Variants in POGLUT3 observed in about 807,000 individuals in gnomAD.
The protein encoded by POGLUT3 is protein O-glucosyltransferase 3.
POGLUT3 carries 48 observed loss-of-function variants against 54.3 expected under a neutral mutation model. The observed-to-expected ratio is 0.88, with a 90% CI of 0.70 to 1.12. The LOEUF (loss-of-function observed/expected upper bound fraction) is 1.12, where lower values mean the gene tolerates loss of function less well. Ranked by LOEUF, POGLUT3 falls within the 50% of genes most tolerant of loss-of-function variation. The pLI, the probability that POGLUT3 is intolerant of heterozygous loss-of-function variation, is 0.00. For synonymous variants in POGLUT3, 218 were observed against 237.4 expected, an observed-to-expected ratio of 0.92 and a Z score of 0.75; for missense variants, 629 against 618.7, an observed-to-expected ratio of 1.02 and a Z score of -0.18.
At chr11:108,485,636 T>TTTTTTTTATTTA (rs1555183248) in intron 3 of POGLUT3, among the ~76,000 whole-genome samples, 1 of 140,322 alleles carries the variant, frequency 7.1e-6, no homozygotes, top group Non-Finnish European at 1.5e-5. Context: ...CTTTATTCTA[T>TTTTTTTTATTTA]TTTATTTATT....
At chr11:108,486,474 C>A in intron 2 of POGLUT3, 34 bp from the exon 3 acceptor site, 1 of 1,600,278 alleles carries the variant, frequency 6.2e-7, no homozygotes, top group Non-Finnish European at 8.5e-7. Flanking sequence ...GGCCGCACTC[C>A]ATTAGCAAGC....
chr11:108,477,860 C>T (rs2093585113), intron 6 of POGLUT3, 149 bp from the exon 7 acceptor site: 1 of 645,324 alleles, frequency 1.5e-6, no homozygotes, highest in African/African-American at 1.8e-5. Flanking sequence ...AAGAATGAGG[C>T]TACAGGGGCC....
At chr11:108,488,920 T>C (rs2093608390) in intron 2 of POGLUT3, among the ~76,000 whole-genome samples, 1 of 152,144 alleles carries the variant, frequency 6.6e-6, no homozygotes, top group Admixed American at 6.5e-5. Context: ...TTGGGTAAAG[T>C]ATGCAGAAGG....
chr11:108,475,043 T>C (rs1211159626), intron 7 of POGLUT3, 91 bp from the exon 8 acceptor site: 7 of 1,356,208 alleles, frequency 5.2e-6, no homozygotes, highest in African/African-American at 1.5e-5. Context: ...TCACGCCATC[T>C]TTTCTAGTTG....
chr11:108,479,540 T>A, intron 5 of POGLUT3, 45 bp from the exon 6 acceptor site: 1 of 1,448,104 alleles, frequency 6.9e-7, no homozygotes, highest in Non-Finnish European at 9.4e-7. Context: ...AGTAGTCATT[T>A]GCTTCACTTC....
chr11:108,486,108 G>T, intron 3 of POGLUT3, 49 bp downstream of exon 3: 1 of 1,387,402 alleles, frequency 7.2e-7, no homozygotes. Flanking sequence ...ACATTTAAAT[G>T]TTATACCTAA....
chr11:108,491,473 CT>C (rs2093613278), intron 1 of POGLUT3: 4 of 494,474 alleles, frequency 8.1e-6, no homozygotes, highest in Admixed American at 3.6e-5. Flanking sequence ...CTGCCTCAAC[CT>C]GCATCAGCCC....
chr11:108,475,910 A>G (rs1383413705), intron 7 of POGLUT3, among the ~76,000 whole-genome samples: 2 of 152,052 alleles, frequency 1.3e-5, no homozygotes, highest in African/African-American at 4.8e-5. Flanking sequence ...ATTAAAATTG[A>G]AACTATTTGG....
chr11:108,472,981 A>T lies in POGLUT3; in HGVS notation c.*1846T>A, dbSNP rs1217101199. ...GTTTATTGTTCTTCAGCAAGAATAG[A>T]TGTAACCACTTTAAAAATAGTTACA... is the stretch of plus-strand genomic sequence containing the variant. On this transcript the variant is annotated 3_prime_UTR_variant, in exon 8 of 8. Transcript: ENST00000323468. 1 of 152,224 alleles carries T rather than the reference A, an allele frequency of 6.6e-6. No individual in the cohort carries two copies. Among genetic ancestry groups the T allele is most frequent in the Admixed American group, 6.5e-5 (1 of 15,270 alleles). The allele number at this position is 152,224 out of a possible 1,614,324, so 9.4% of individuals were successfully genotyped here. A position where few individuals can be genotyped will look rare whatever the true frequency, so the allele number is the denominator to read the frequency against.
At chr11:108,478,442 G>A (rs1405045959) in intron 6 of POGLUT3, among the ~76,000 whole-genome samples, 1 of 152,168 alleles carries the variant, frequency 6.6e-6, no homozygotes, top group Non-Finnish European at 1.5e-5. Context: ...GAATGAATCC[G>A]TTTTCACGTT....
chr11:108,481,276 C>T lies in POGLUT3; in HGVS notation c.1002G>A (p.Gln334=). ...ATCCTGTAATTCCTGCATCTAGTAG[C>T]TGAGGATTTTCTTTGGACAGCTGTA... ...QLVQLSKENP[Q]LLDAGITGYF... The change falls in exon 5 of 8, where the codon CAG becomes CAA. Residue 334 remains glutamine (Q), a synonymous_variant. Transcript: ENST00000323468. 6.2e-7 allele frequency: 1 copy of T among 1,613,196 alleles called. No homozygotes were observed. Among genetic ancestry groups the T allele is most frequent in the South Asian group, 1.1e-5 (1 of 90,910 alleles).
At position 108,482,177 on chromosome 11, in the gene POGLUT3, G is replaced by A; in HGVS notation, c.730C>T (p.Pro244Ser). The change falls in exon 4 of 8, where the codon CCC becomes TCC. Residue 244 changes from proline (P) to serine (S), a missense_variant. Pro to Ser is a moderately conservative substitution (Grantham distance 74). Coordinates refer to ENST00000323468, the MANE Select transcript of POGLUT3 (RefSeq NM_153705.5). ...LEFYVNLGDW[P>S]LEHRKVNGTP... is the part of the protein sequence containing the mutation. ...CCATTGACTTTTCGATGCTCCAAGG[G>A]CCAATCTCCAAGATTAACATAAAAT... is the stretch of plus-strand genomic sequence containing the variant. 1 of 1,614,038 alleles carries A rather than the reference G, an allele frequency of 6.2e-7. No homozygotes were observed. Among genetic ancestry groups the A allele is most frequent in the South Asian group, 1.1e-5 (1 of 91,064 alleles).
Position 108,472,315 on chromosome 11 carries a change from A to G in POGLUT3, c.*2512T>C, listed in dbSNP as rs1184497649. On this transcript the variant is annotated 3_prime_UTR_variant, in exon 8 of 8. Coordinates refer to ENST00000323468, the MANE Select transcript of POGLUT3 (RefSeq NM_153705.5). ...ATTTTGCAATTTGATCCATACTTAC[A>G]GTAAAAAAAAATCTAAATATTATAG... The G allele has an allele frequency of 6.6e-6, 1 of 152,186 alleles. No homozygotes were observed. The highest frequency in any genetic ancestry group is 1.5e-5 in the Non-Finnish European group (1 of 68,026). 9.4% of individuals were successfully genotyped at this position (152,186 alleles called of 1,614,324 possible). A position where few individuals can be genotyped will look rare whatever the true frequency, so the allele number is the denominator to read the frequency against.
intron 3 of POGLUT3, among the ~76,000 whole-genome samples, chr11:108,483,553 A>AGACTAG (rs758778061): frequency 3.3e-5 from 5 of 152,186 alleles, no homozygotes; most frequent in Non-Finnish European, 7.3e-5. Flanking sequence ...GGCTACTCAG[A>AGACTAG]GACTAGGACT....
intron 2 of POGLUT3, chr11:108,486,671 C>T (rs1038602309): frequency 2.9e-5 from 14 of 482,838 alleles, no homozygotes; most frequent in Admixed American, 1.4e-4. Context: ...AACCTACTCT[C>T]GGTCACTTAG....
intron 1 of POGLUT3, among the ~76,000 whole-genome samples, chr11:108,496,905 C>T (rs558593558): frequency 6.6e-5 from 10 of 152,364 alleles, no homozygotes; most frequent in East Asian, 5.8e-4. Context: ...TACTTATTTT[C>T]CCGAACACCA....
chr11:108,493,729 A>C (rs1035309445), intron 1 of POGLUT3, among the ~76,000 whole-genome samples: 1 of 145,950 alleles, frequency 6.9e-6, no homozygotes, highest in Admixed American at 6.9e-5. Context: ...ACTTGAACCC[A>C]GGAGGCGGAG....
intron 1 of POGLUT3, among the ~76,000 whole-genome samples, chr11:108,495,424 G>A (rs1401713214): frequency 1.3e-5 from 2 of 152,302 alleles, no homozygotes; most frequent in Admixed American, 6.5e-5. Flanking sequence ...ACCAGCCTTG[G>A]CCTCCCAAAG....
At chr11:108,482,283 C>T (rs2093594401) in intron 3 of POGLUT3, 61 bp from the exon 4 acceptor site, 3 of 1,216,296 alleles carry the variant, frequency 2.5e-6, no homozygotes, top group South Asian at 2.8e-5. Context: ...GTACTAAGTA[C>T]AACAGTTCTT....
Sources: gnomAD v4.1 joint callset for allele counts (sites outside exome capture counted in the v4.1 genomes callset) on GRCh38, gnomAD v4.1.1 for gene constraint, MANE v1.5 for transcripts, NCBI Gene and HGNC (gene_info 2026-07-23, HGNC 2026-07-21) for gene names.